The following GATAD1 variants were observed in gnomAD, a reference collection of about 807,000 sequenced individuals.
GATAD1 encodes GATA zinc finger domain containing 1.
GATAD1 carries 12 observed loss-of-function variants against 26.5 expected under a neutral mutation model. That is an observed-to-expected ratio of 0.45 (90% CI 0.29 to 0.73). The LOEUF (loss-of-function observed/expected upper bound fraction) is 0.73, where lower values mean the gene tolerates loss of function less well. Among genes scored for constraint, GATAD1 ranks in the 30% least tolerant of loss-of-function variants. The pLI, the probability that GATAD1 is intolerant of heterozygous loss-of-function variation, is 0.10. For synonymous variants in GATAD1, 129 were observed against 133.1 expected (o/e 0.97, Z 0.21); for missense variants, 266 against 342.1 (o/e 0.78, Z 1.75).
At chr7:92,469,441 C>A in the GATAD1 span, 1 of 761,508 alleles carries the variant, frequency 1.3e-6, no homozygotes, top group Non-Finnish European at 2.4e-6. Flanking sequence ...TCTTTTGTTG[C>A]GGGGCTTAGA....
intron 1 of GATAD1, 25 bp from the exon 2 acceptor site, chr7:92,448,726 TG>T: frequency 6.3e-7 from 1 of 1,598,296 alleles, no homozygotes; most frequent in Non-Finnish European, 8.6e-7. Context: ...TTTCTCTTTT[TG>T]TTCTTTAATT....
chr7:92,469,956 G>A, the GATAD1 span: 2 of 777,508 alleles, frequency 2.6e-6, no homozygotes, highest in African/African-American at 3.4e-5. Flanking sequence ...AGGGGCTAGA[G>A]GTGCCATGTA....
At chr7:92,492,800 C>T in the GATAD1 span, among the ~76,000 whole-genome samples, 1 of 152,060 alleles carries the variant, frequency 6.6e-6, no homozygotes, top group Admixed American at 6.5e-5. Flanking sequence ...ACCCATATTC[C>T]AACTATGGAA....
the GATAD1 span, among the ~76,000 whole-genome samples, chr7:92,474,216 C>G: frequency 6.6e-6 from 1 of 151,998 alleles, no homozygotes; most frequent in Non-Finnish European, 1.5e-5. Context: ...CCGAGGTTGC[C>G]AAGTTCAATA....
chr7:92,486,836 G>C, the GATAD1 span, among the ~76,000 whole-genome samples: 2 of 152,180 alleles, frequency 1.3e-5, no homozygotes, highest in Non-Finnish European at 2.9e-5. Context: ...TCATATATGA[G>C]AGAATATCAA....
At chr7:92,479,822 G>T in the GATAD1 span, among the ~76,000 whole-genome samples, 18 of 152,090 alleles carry the variant, frequency 1.2e-4, no homozygotes, top group African/African-American at 4.1e-4. Flanking sequence ...TGTATAGAAC[G>T]ATTGGTGATG....
Position 92,454,551 on chromosome 7 carries a change from A to T in GATAD1, c.485A>T (p.Asp162Val). 1.2e-6 allele frequency: 2 copies of T among 1,613,132 alleles called. No homozygotes were observed. Among genetic ancestry groups the T allele is most frequent in the Non-Finnish European group, 1.7e-6 (2 of 1,179,054 alleles). The change falls in exon 4 of 5, where the codon GAT becomes GTT. Residue 162 changes from aspartate to valine, a missense_variant. Asp to Val is a radical substitution (Grantham distance 152, BLOSUM62 -3). Coordinates refer to ENST00000287957, the MANE Select transcript of GATAD1 (RefSeq NM_021167.5). Reference sequence around the variant, plus strand: ...GTTGTTTCTGTGATTGATGAACAAGATGGAAAGCCCTACTATGCTCAAATC... The same window carrying T: ...GTTGTTTCTGTGATTGATGAACAAGTTGGAAAGCCCTACTATGCTCAAATC... ...GDVVSVIDEQ[D>V]GKPYYAQIRG...
the GATAD1 span, chr7:92,470,586 G>T: frequency 2.0e-6 from 1 of 506,796 alleles, no homozygotes; most frequent in African/African-American, 1.9e-5. Context: ...AAATGACTGG[G>T]TAGGGTCCTT....
At chr7:92,466,054 A>G in the GATAD1 span, among the ~76,000 whole-genome samples, 1 of 152,138 alleles carries the variant, frequency 6.6e-6, no homozygotes, top group South Asian at 2.1e-4. Flanking sequence ...TTCTCATAAC[A>G]TCATCTCTAC....
the GATAD1 span, chr7:92,471,167 A>G: frequency 6.0e-6 from 1 of 166,764 alleles, no homozygotes; most frequent in Admixed American, 6.5e-5. Context: ...CCTCTGCCCA[A>G]CCCGTGAAAG....
At chr7:92,448,121 G>A in intron 1 of GATAD1, 143 bp downstream of exon 1, 1 of 495,640 alleles carries the variant, frequency 2.0e-6, no homozygotes, top group Non-Finnish European at 3.0e-6. Context: ...ACCTCCTACT[G>A]AGATCTTTCG....
rs970487520 is a variant in GATAD1 at position 92,457,576 on chromosome 7, A to T, written c.*1014A>T. ...GGCAAAAGCTGTAATTTCCAGAGAG[A>T]CCATTAGGAACAGGTAGTATCTATT... On this transcript the variant is annotated 3_prime_UTR_variant, in exon 5 of 5. Transcript: ENST00000287957. The T allele has an allele frequency of 1.3e-5, 2 of 152,206 alleles. No homozygotes were observed. Among genetic ancestry groups the T allele is most frequent in the African/African-American group, 4.8e-5 (2 of 41,452 alleles). 9.4% of individuals were successfully genotyped at this position (152,206 alleles called of 1,614,324 possible).
Position 92,458,353 on chromosome 7 carries a change from A to G in GATAD1, c.*1791A>G, listed in dbSNP as rs747959207. The stretch of plus-strand genomic sequence containing the variant: ...CTTCCTGCTTGATAGTCTCTTGACT[A>G]CCATTAAAACGAATATTGGGAGGTC... On this transcript the variant is annotated 3_prime_UTR_variant, in exon 5 of 5. Transcript: ENST00000287957. The G allele has an allele frequency of 2.6e-5, 4 of 152,230 alleles. No individual in the cohort carries two copies. Among genetic ancestry groups the G allele is most frequent in the Non-Finnish European group, 5.9e-5 (4 of 68,042 alleles). The allele number at this position is 152,230 out of a possible 1,614,324, so 9.4% of individuals were successfully genotyped here.
At chr7:92,451,661 T>G (rs1262080897) in intron 3 of GATAD1, among the ~76,000 whole-genome samples, 2 of 152,196 alleles carry the variant, frequency 1.3e-5, no homozygotes. Context: ...ACAAAAAAAG[T>G]CTGTACACAG....
At position 92,447,488 on chromosome 7, in the gene GATAD1, C is replaced by G; in HGVS notation, c.-242C>G. 3.0e-6 allele frequency: 1 copy of G among 329,058 alleles called. No homozygotes were observed. Among genetic ancestry groups the G allele is most frequent in the South Asian group, 6.6e-5 (1 of 15,046 alleles). 20.4% of individuals were successfully genotyped at this position (329,058 alleles called of 1,614,324 possible). Reference sequence around the variant, plus strand: ...CCCCACCCCGGCCAGATCCCTTTCCCAGTCCTGCTTCCCAGTGCCTCGGGC... The same window carrying G: ...CCCCACCCCGGCCAGATCCCTTTCCGAGTCCTGCTTCCCAGTGCCTCGGGC... On this transcript the variant is annotated 5_prime_UTR_variant, in exon 1 of 5. Coordinates refer to ENST00000287957, the MANE Select transcript of GATAD1 (RefSeq NM_021167.5).
chr7:92,460,904 G>A (rs1789898102), downstream of GATAD1, among the ~76,000 whole-genome samples: 1 of 151,536 alleles, frequency 6.6e-6, no homozygotes. Context: ...CTAACAAGCA[G>A]TATTTTCCAA....
the GATAD1 span, among the ~76,000 whole-genome samples, chr7:92,479,487 C>A: frequency 6.6e-6 from 1 of 152,118 alleles, no homozygotes; most frequent in African/African-American, 2.4e-5. Context: ...CAGGAACAGG[C>A]CATTTTCACT....
the GATAD1 span, chr7:92,491,435 C>T: frequency 3.7e-6 from 6 of 1,613,810 alleles, no homozygotes; most frequent in Non-Finnish European, 5.1e-6. Context: ...ATCGTCAGAG[C>T]CACTGCTATG....
intron 3 of GATAD1, among the ~76,000 whole-genome samples, chr7:92,452,191 AC>A (rs1473146728): frequency 6.6e-6 from 1 of 152,226 alleles, no homozygotes; most frequent in East Asian, 1.9e-4. Context: ...TAGTGTACTA[AC>A]AGTTTCCATG....
Sources: allele counts gnomAD v4.1 joint callset (sites outside exome capture counted in the v4.1 genomes callset), GRCh38; gene constraint gnomAD v4.1.1; transcripts MANE v1.5; gene names NCBI Gene and HGNC (gene_info 2026-07-23, HGNC 2026-07-21).